Variants in PARD3B observed in about 807,000 individuals in gnomAD.
PARD3B encodes the protein partitioning defective 3 homolog B.
Under a neutral mutation model 130.2 loss-of-function variants are expected in PARD3B, and 103 were observed. That is an observed-to-expected ratio of 0.79 (90% CI 0.67 to 0.93). The LOEUF is 0.93. Ranked by LOEUF, PARD3B falls within the 40% of genes least tolerant of loss-of-function variation. The pLI is 0.00. For synonymous variants in PARD3B, 583 were observed against 553.2 expected (o/e 1.05, Z -0.76); for missense variants, 1,609 against 1,499.2 (o/e 1.07, Z -1.21).
chr2:204,994,538 G>GA (rs1693977850), intron 3 of PARD3B, among the ~76,000 whole-genome samples: 1 of 142,596 alleles, frequency 7.0e-6, no homozygotes, highest in East Asian at 2.1e-4. Context: ...GTGTGGTGCT[G>GA]AAAAAAATGT....
At chr2:205,588,991 C>G (rs2054291048) in intron 22 of PARD3B, among the ~76,000 whole-genome samples, 1 of 152,176 alleles carries the variant, frequency 6.6e-6, no homozygotes, top group African/African-American at 2.4e-5. Context: ...GTCTGCCATT[C>G]AAATAAGCAT....
intron 2 of PARD3B, among the ~76,000 whole-genome samples, chr2:204,935,612 TACAC>T (rs951317542): frequency 5.9e-5 from 9 of 151,340 alleles, no homozygotes; most frequent in South Asian, 2.1e-4. Flanking sequence ...TATGTGTGTA[TACAC>T]ACACACACAC....
intron 21 of PARD3B, among the ~76,000 whole-genome samples, chr2:205,516,679 A>G (rs6730718): frequency 0.45 from 69,108 of 151,888 alleles, 16,351 homozygotes; most frequent in South Asian, 0.6. Context: ...TTGAGACTAT[A>G]GGGTTCTCTA....
In PARD3B at chr2:205,592,295, G is replaced by A. The variant is rs968223662; in HGVS notation, c.3261-23161G>A. 6.6e-6 allele frequency among the ~76,000 whole-genome samples: 1 copy of A among 152,180 alleles called. No individual in the cohort carries two copies. Among genetic ancestry groups the A allele is most frequent in the Non-Finnish European group, 1.5e-5 (1 of 68,030 alleles). ...GACTTGTTCATTGGAATTGCTGTAC[G>A]CCTTGGGAGCTTGGTCATTAGGCAA... On this transcript the variant is annotated intron_variant, in intron 22 of 22. Transcript: ENST00000406610. The surrounding 1 kb of genome is among the most constrained non-coding windows in gnomAD (Gnocchi z 4.5).
chr2:205,604,829 T>G (rs2054925356), intron 22 of PARD3B, among the ~76,000 whole-genome samples: 1 of 152,198 alleles, frequency 6.6e-6, no homozygotes, highest in African/African-American at 2.4e-5. Flanking sequence ...TTTCGCTGTC[T>G]CTTTCAGGTA....
intron 2 of PARD3B, among the ~76,000 whole-genome samples, chr2:204,710,960 A>C (rs2038404905): frequency 6.6e-6 from 1 of 152,178 alleles, no homozygotes; most frequent in Non-Finnish European, 1.5e-5. Context: ...GATGATGAAG[A>C]AGGTGAGTAA....
intron 21 of PARD3B, among the ~76,000 whole-genome samples, chr2:205,505,326 C>A (rs1337761785): frequency 6.6e-6 from 1 of 151,984 alleles, no homozygotes; most frequent in East Asian, 1.9e-4. Flanking sequence ...ACGAACATGG[C>A]ACATGTATAC....
At chr2:205,430,055 T>A (rs1479121088) in intron 19 of PARD3B, among the ~76,000 whole-genome samples, 2 of 152,204 alleles carry the variant, frequency 1.3e-5, no homozygotes, top group African/African-American at 4.8e-5. Context: ...TAATCCAAGA[T>A]AATCTCACAA....
At chr2:204,883,418 A>T (rs11886419) in intron 2 of PARD3B, among the ~76,000 whole-genome samples, 30 of 100,178 alleles carry the variant, frequency 3.0e-4, no homozygotes, top group Admixed American at 1.3e-3. Context: ...TATATATATA[A>T]TATATATATA....
intron 18 of PARD3B, among the ~76,000 whole-genome samples, chr2:205,340,583 A>G (rs1407963833): frequency 6.6e-6 from 1 of 152,184 alleles, no homozygotes; most frequent in African/African-American, 2.4e-5. Context: ...CTCTCACCAT[A>G]TACAAAAATT....
At chr2:204,568,956 A>G (rs1376727183) in intron 1 of PARD3B, among the ~76,000 whole-genome samples, 2 of 143,106 alleles carry the variant, frequency 1.4e-5, no homozygotes, top group South Asian at 2.2e-4. Flanking sequence ...CTGTCTCAGG[A>G]AAAAAAAAAA....
At chr2:205,551,298 C>A (rs544116944) in intron 21 of PARD3B, among the ~76,000 whole-genome samples, 1 of 150,956 alleles carries the variant, frequency 6.6e-6, no homozygotes, top group Non-Finnish European at 1.5e-5. Context: ...AGAAAGCAAA[C>A]CTTAGGTAGG....
intron 2 of PARD3B, among the ~76,000 whole-genome samples, chr2:204,934,256 A>T (rs186206995): frequency 4.6e-5 from 7 of 152,348 alleles, no homozygotes; most frequent in Admixed American, 2.0e-4. Context: ...AAGGGAACAG[A>T]TACACTCTGA....
At chr2:204,913,351 T>C (rs968489643) in intron 2 of PARD3B, among the ~76,000 whole-genome samples, 5 of 152,210 alleles carry the variant, frequency 3.3e-5, no homozygotes, top group African/African-American at 1.2e-4. Flanking sequence ...CTGTGTGATA[T>C]TGCTTCAGTT....
At chr2:205,516,750 C>T (rs1368268515) in intron 21 of PARD3B, among the ~76,000 whole-genome samples, 1 of 151,842 alleles carries the variant, frequency 6.6e-6, no homozygotes, top group Non-Finnish European at 1.5e-5. Flanking sequence ...TTTGGATGCC[C>T]TTTCTTTCTT....
chr2:205,462,224 G>C (rs1248311429), intron 20 of PARD3B, among the ~76,000 whole-genome samples: 1 of 152,176 alleles, frequency 6.6e-6, no homozygotes, highest in Non-Finnish European at 1.5e-5. Context: ...GCAGAGTCAA[G>C]ATATGCTTGT....
rs115223476 is a variant in PARD3B at position 204,692,088 on chromosome 2, T to C, written c.222+5806T>C. On this transcript the variant is annotated intron_variant, in intron 2 of 22. Transcript: ENST00000406610. ...TTTATTCTTAAGCCAAATTGCTTTCTGAACACTCTGTTGCCCTCTAGTGGG... is the reference window on the plus strand; with the variant it reads ...TTTATTCTTAAGCCAAATTGCTTTCCGAACACTCTGTTGCCCTCTAGTGGG... Among the ~76,000 whole-genome samples, 642 of 152,230 alleles carry C rather than the reference T, an allele frequency of 4.2e-3. 4 individuals are homozygous for C. Among genetic ancestry groups the C allele is most frequent in the African/African-American group, 0.015 (608 of 41,542 alleles).
rs563729488 is a variant in PARD3B, at chr2:205,504,826, G to A, written c.3180+4795G>A. ...ACCAGTTCAAGCATTGTGGAAGTCA[G>A]TGTGGCGATTCCTCAGGGATCTAGA... is the stretch of plus-strand genomic sequence containing the variant. On this transcript the variant is annotated intron_variant, in intron 21 of 22. Transcript: ENST00000406610. 5.9e-5 allele frequency among the ~76,000 whole-genome samples: 9 copies of A among 152,352 alleles called. No individual in the cohort carries two copies. The East Asian group carries it at 1.7e-3, about 29-fold the overall frequency.
At chr2:204,756,243 T>G (rs770638331) in intron 2 of PARD3B, among the ~76,000 whole-genome samples, 1 of 152,120 alleles carries the variant, frequency 6.6e-6, no homozygotes, top group Non-Finnish European at 1.5e-5. Context: ...GACAGTAGAT[T>G]GACTCTTTTT....
Sources: allele counts gnomAD v4.1 joint callset (sites outside exome capture counted in the v4.1 genomes callset), GRCh38; gene constraint gnomAD v4.1.1; non-coding constraint Gnocchi (gnomAD v3.1); transcripts MANE v1.5; gene names NCBI Gene and HGNC (gene_info 2026-07-23, HGNC 2026-07-21).